The following CSMD1 variants were observed in gnomAD, a reference collection of about 807,000 sequenced individuals.
CSMD1 encodes the protein CUB and Sushi multiple domains 1.
CSMD1 carries 213 observed loss-of-function variants against 417.5 expected under a neutral mutation model. That is an observed-to-expected ratio of 0.51 (90% CI 0.46 to 0.57). CSMD1 has a LOEUF of 0.57. CSMD1 is among the 20% of genes least tolerant of loss of function. The pLI is 0.00. For missense variants in CSMD1, 6,923 were observed against 4,529.7 expected, an observed-to-expected ratio of 1.53 and a Z score of -15.17; for synonymous variants, 2,862 against 1,736.8, an observed-to-expected ratio of 1.65 and a Z score of -16.11.
At chr8:3,413,598 C>G (rs1355890373) in intron 12 of CSMD1, among the ~76,000 whole-genome samples, 2 of 152,164 alleles carry the variant, frequency 1.3e-5, no homozygotes, top group Non-Finnish European at 2.9e-5. Context: ...CATGATTATG[C>G]CAGCGATGTT....
chr8:3,927,273 G>C (rs904220581), intron 5 of CSMD1, among the ~76,000 whole-genome samples: 2 of 151,854 alleles, frequency 1.3e-5, no homozygotes, highest in African/African-American at 4.8e-5. Context: ...GCAGACATAA[G>C]CTAATAATTA....
At chr8:4,271,632 A>G (rs756128243) in intron 3 of CSMD1, among the ~76,000 whole-genome samples, 9 of 152,182 alleles carry the variant, frequency 5.9e-5, no homozygotes, top group Non-Finnish European at 1.0e-4. Flanking sequence ...AGCAGCTTTA[A>G]AGAAAGGAAA....
intron 59 of CSMD1, 92 bp downstream of exon 59, chr8:2,965,683 G>A: frequency 9.0e-7 from 1 of 1,106,256 alleles, no homozygotes; most frequent in Non-Finnish European, 1.3e-6. Context: ...GCCCCTAGAA[G>A]GGCTACATAA....
chr8:3,903,635 G>A (rs2129135049), intron 5 of CSMD1, among the ~76,000 whole-genome samples: 1 of 152,202 alleles, frequency 6.6e-6, no homozygotes, highest in South Asian at 2.1e-4. Flanking sequence ...TAATGTGTCA[G>A]AAAATAAGGT....
chr8:4,685,581 G>A (rs13269425), intron 1 of CSMD1, among the ~76,000 whole-genome samples: 1 of 150,694 alleles, frequency 6.6e-6, no homozygotes, highest in Admixed American at 6.6e-5. Context: ...TTCTTTAAAA[G>A]AAAAAAAGAA....
chr8:3,467,232 G>T (rs1447798902), intron 12 of CSMD1, among the ~76,000 whole-genome samples: 2 of 152,180 alleles, frequency 1.3e-5, no homozygotes, highest in African/African-American at 2.4e-5. Context: ...TGGGCACGAG[G>T]TTCCTCTCCT....
intron 25 of CSMD1, among the ~76,000 whole-genome samples, chr8:3,294,141 G>T (rs575543819): frequency 1.8e-4 from 27 of 152,322 alleles, no homozygotes; most frequent in African/African-American, 6.0e-4. Context: ...CAGAACAGCA[G>T]ATGTTGGTGA....
rs1491119724 is a variant in CSMD1, at chr8:4,167,141, CAT to C, written c.416-135044_416-135043del. Among the ~76,000 whole-genome samples the C allele has an allele frequency of 1.3e-4, 20 of 152,176 alleles. 1 individual carries two copies. The highest frequency in any genetic ancestry group is 2.4e-5 in the African/African-American group (1 of 41,446). ...TAAACCCAAGATGTTACTTAGGTGA[CAT>C]TTTTTTTTCTACCTACTTCTGAAGT... On this transcript the variant is annotated intron_variant, in intron 3 of 69. Coordinates refer to ENST00000635120, the MANE Select transcript of CSMD1 (RefSeq NM_033225.6).
intron 2 of CSMD1, among the ~76,000 whole-genome samples, chr8:4,466,946 A>G (rs1325985891): frequency 6.6e-6 from 1 of 151,988 alleles, no homozygotes. Flanking sequence ...TTTCCTGTGA[A>G]CATTTCTTCC....
intron 12 of CSMD1, among the ~76,000 whole-genome samples, chr8:3,417,625 G>A (rs1421189893): frequency 6.6e-6 from 1 of 152,112 alleles, no homozygotes; most frequent in Non-Finnish European, 1.5e-5. Flanking sequence ...AAATGGCCCA[G>A]AAATCAGTAC....
intron 50 of CSMD1, among the ~76,000 whole-genome samples, chr8:3,035,496 A>G (rs1166953392): frequency 1.3e-5 from 2 of 152,212 alleles, no homozygotes; most frequent in East Asian, 3.9e-4. Context: ...CCTGAACACT[A>G]GAAACAATAC....
At chr8:3,242,197 A>C (rs1045997817) in intron 26 of CSMD1, among the ~76,000 whole-genome samples, 8 of 152,042 alleles carry the variant, frequency 5.3e-5, no homozygotes, top group African/African-American at 1.9e-4. Flanking sequence ...ATGAAACAGT[A>C]AGCTGGACCA....
intron 1 of CSMD1, among the ~76,000 whole-genome samples, chr8:4,858,089 G>A (rs562199508): frequency 1.3e-5 from 2 of 152,056 alleles, no homozygotes; most frequent in Admixed American, 1.3e-4. Flanking sequence ...CTGCATCCCT[G>A]GGATGCAAGG....
At chr8:4,743,301 C>G (rs995423174) in intron 1 of CSMD1, among the ~76,000 whole-genome samples, 2 of 152,144 alleles carry the variant, frequency 1.3e-5, no homozygotes, top group African/African-American at 4.8e-5. Flanking sequence ...ATCCTCAGGT[C>G]AGTATATTTC....
At chr8:3,844,929 G>C (rs1379617953) in intron 5 of CSMD1, among the ~76,000 whole-genome samples, 2 of 152,122 alleles carry the variant, frequency 1.3e-5, no homozygotes, top group African/African-American at 4.8e-5. Context: ...ACTGCCATCA[G>C]AATGCTTGAT....
chr8:4,084,725 C>G (rs559696873), intron 3 of CSMD1, among the ~76,000 whole-genome samples: 84 of 152,074 alleles, frequency 5.5e-4, no homozygotes, highest in African/African-American at 1.9e-3. Flanking sequence ...AGCAGCCCCT[C>G]TGCTCTCTTG....
intron 3 of CSMD1, among the ~76,000 whole-genome samples, chr8:4,276,709 C>T (rs764196676): frequency 2.0e-5 from 3 of 152,096 alleles, no homozygotes; most frequent in Non-Finnish European, 4.4e-5. Flanking sequence ...CCAGTGGGAT[C>T]CCAATTTTAA....
At chr8:3,601,326 A>C (rs1403238240) in intron 8 of CSMD1, among the ~76,000 whole-genome samples, 2 of 152,196 alleles carry the variant, frequency 1.3e-5, no homozygotes, top group African/African-American at 4.8e-5. Flanking sequence ...TTCTGCAGAC[A>C]TATAGGAGCT....
intron 12 of CSMD1, among the ~76,000 whole-genome samples, chr8:3,426,905 C>T (rs1466389618): frequency 6.6e-6 from 1 of 152,136 alleles, no homozygotes; most frequent in Non-Finnish European, 1.5e-5. Flanking sequence ...AATTGACTCA[C>T]AGTTCAGCTG....
Sources: allele counts gnomAD v4.1 joint callset (sites outside exome capture counted in the v4.1 genomes callset), GRCh38; gene constraint gnomAD v4.1.1; transcripts MANE v1.5; gene names NCBI Gene and HGNC (gene_info 2026-07-23, HGNC 2026-07-21).